The following LYPD6 variants were observed in gnomAD, a reference collection of about 807,000 sequenced individuals.
LYPD6 encodes LY6/PLAUR domain containing 6, also known as ly6/PLAUR domain-containing protein 6.
A neutral mutation model predicts 22.7 loss-of-function variants in LYPD6; 15 were observed. That is an observed-to-expected ratio of 0.66 (90% CI 0.44 to 1.02). The LOEUF is 1.02. LYPD6 is among the 50% of genes least tolerant of loss of function. The pLI is 0.00. For missense variants in LYPD6, 189 were observed against 208.4 expected (o/e 0.91, Z 0.57); for synonymous variants, 72 against 77.5 (o/e 0.93, Z 0.37).
At chr2:149,431,065 A>C (rs1683301394) in intron 1 of LYPD6, among the ~76,000 whole-genome samples, 1 of 152,198 alleles carries the variant, frequency 6.6e-6, no homozygotes, top group African/African-American at 2.4e-5. Context: ...ATTGGAATAA[A>C]ACCAGCAGTT....
intron 1 of LYPD6, among the ~76,000 whole-genome samples, chr2:149,352,765 T>C (rs769281073): frequency 9.2e-5 from 14 of 152,176 alleles, no homozygotes; most frequent in Non-Finnish European, 1.8e-4. Context: ...TGGCCCTTTA[T>C]AGAAAAAGTT....
At chr2:149,481,319 T>TA in the LYPD6 span, among the ~76,000 whole-genome samples, 1 of 152,196 alleles carries the variant, frequency 6.6e-6, no homozygotes, top group African/African-American at 2.4e-5. Flanking sequence ...AATCTTGCAC[T>TA]AAAAAATGTA....
downstream of LYPD6, among the ~76,000 whole-genome samples, chr2:149,475,920 CACACATGTCACAA>C (rs1366841354): frequency 3.3e-5 from 5 of 152,194 alleles, no homozygotes; most frequent in Admixed American, 2.6e-4. Flanking sequence ...CTTTGTTCCA[CACACATGTCACAA>C]GGGTGACATG....
At chr2:149,463,920 G>T (rs1315198358) in intron 3 of LYPD6, among the ~76,000 whole-genome samples, 1 of 151,966 alleles carries the variant, frequency 6.6e-6, no homozygotes, top group East Asian at 1.9e-4. Flanking sequence ...CAACATGAGG[G>T]ATCCTTATGG....
intron 1 of LYPD6, among the ~76,000 whole-genome samples, chr2:149,356,297 T>A (rs1431178399): frequency 6.6e-6 from 1 of 152,150 alleles, no homozygotes; most frequent in African/African-American, 2.4e-5. Flanking sequence ...GGGACAGATA[T>A]CAACATGGAC....
At chr2:149,424,913 G>A (rs1683158653) in intron 1 of LYPD6, among the ~76,000 whole-genome samples, 1 of 152,124 alleles carries the variant, frequency 6.6e-6, no homozygotes, top group African/African-American at 2.4e-5. Flanking sequence ...GGGTTGTTTT[G>A]AAGACAGAAT....
At chr2:149,373,425 A>T (rs2105079852) in intron 1 of LYPD6, among the ~76,000 whole-genome samples, 1 of 152,212 alleles carries the variant, frequency 6.6e-6, no homozygotes. Context: ...ATAGAGTAGG[A>T]AGGAAAGGGG....
intron 2 of LYPD6, among the ~76,000 whole-genome samples, chr2:149,440,885 T>A (rs1362160858): frequency 6.6e-6 from 1 of 151,638 alleles, no homozygotes; most frequent in Non-Finnish European, 1.5e-5. Flanking sequence ...TTTTTGTATT[T>A]TTAGTAGAGA....
At chr2:149,364,365 A>G (rs956716695) in intron 1 of LYPD6, among the ~76,000 whole-genome samples, 7 of 152,134 alleles carry the variant, frequency 4.6e-5, no homozygotes, top group African/African-American at 1.7e-4. Context: ...AATCACCAGG[A>G]TGATGGAAGG....
At chr2:149,484,299 A>G in the LYPD6 span, among the ~76,000 whole-genome samples, 1 of 152,222 alleles carries the variant, frequency 6.6e-6, no homozygotes, top group Non-Finnish European at 1.5e-5. Flanking sequence ...CTTATTGAAA[A>G]ATAAGTGATC....
intron 1 of LYPD6, among the ~76,000 whole-genome samples, chr2:149,356,650 C>T (rs1248950023): frequency 6.6e-6 from 1 of 152,154 alleles, no homozygotes; most frequent in Non-Finnish European, 1.5e-5. Context: ...CCCAGTACCC[C>T]TCATTTACTT....
At chr2:149,336,027 A>G (rs1681028280) in intron 1 of LYPD6, among the ~76,000 whole-genome samples, 1 of 152,204 alleles carries the variant, frequency 6.6e-6, no homozygotes, top group Non-Finnish European at 1.5e-5. Flanking sequence ...TTTGTTGCCA[A>G]GTGTTGCAGG....
intron 2 of LYPD6, among the ~76,000 whole-genome samples, chr2:149,439,265 C>T (rs1433639382): frequency 6.6e-6 from 1 of 152,178 alleles, no homozygotes; most frequent in African/African-American, 2.4e-5. Context: ...TCAGTATAGT[C>T]TGGTGCCCAC....
the LYPD6 span, among the ~76,000 whole-genome samples, chr2:149,479,775 G>A: frequency 6.6e-6 from 1 of 151,960 alleles, no homozygotes; most frequent in Non-Finnish European, 1.5e-5. Context: ...ATCCCTTCTT[G>A]CCCTATTTCA....
At chr2:149,404,988 T>C (rs1682662518) in intron 1 of LYPD6, among the ~76,000 whole-genome samples, 1 of 152,228 alleles carries the variant, frequency 6.6e-6, no homozygotes, top group Non-Finnish European at 1.5e-5. Flanking sequence ...TCTATTGAGA[T>C]AATCATGTGG....
At chr2:149,478,368 G>T (rs1681473728), downstream of LYPD6, among the ~76,000 whole-genome samples, 1 of 111,704 alleles carries the variant, frequency 9.0e-6, no homozygotes, top group East Asian at 2.6e-4. Flanking sequence ...TCACCCTTTG[G>T]TATATAGAGG....
intron 2 of LYPD6, among the ~76,000 whole-genome samples, chr2:149,438,160 A>G (rs1683478509): frequency 1.3e-5 from 2 of 152,238 alleles, no homozygotes; most frequent in African/African-American, 2.4e-5. Flanking sequence ...TTTGTAAAAG[A>G]TCAATCCTTT....
At chr2:149,368,858 G>A (rs1396550437) in intron 1 of LYPD6, among the ~76,000 whole-genome samples, 1 of 152,144 alleles carries the variant, frequency 6.6e-6, no homozygotes, top group Admixed American at 6.6e-5. Flanking sequence ...AGAGGAAGAA[G>A]GGAAGCTTGA....
At chr2:149,442,916 A>C (rs535343795) in intron 2 of LYPD6, among the ~76,000 whole-genome samples, 1 of 152,314 alleles carries the variant, frequency 6.6e-6, no homozygotes, top group East Asian at 1.9e-4. Context: ...AGCCATTGAG[A>C]ATGTGCACAG....
Sources: allele counts gnomAD v4.1 joint callset (sites outside exome capture counted in the v4.1 genomes callset), GRCh38; gene constraint gnomAD v4.1.1; transcripts MANE v1.5; gene names NCBI Gene and HGNC (gene_info 2026-07-23, HGNC 2026-07-21).